The following CDH12 variants were observed in gnomAD, a reference collection of about 807,000 sequenced individuals.
CDH12 encodes cadherin 12.
A neutral mutation model predicts 74.1 loss-of-function variants in CDH12; 41 were observed. That is an observed-to-expected ratio of 0.55 (90% CI 0.43 to 0.72). The LOEUF is 0.72. CDH12 is among the 30% of genes least tolerant of loss of function. The pLI is 0.00. For synonymous variants in CDH12, 399 were observed against 355.0 expected, an observed-to-expected ratio of 1.12 and a Z score of -1.39; for missense variants, 945 against 977.2, an observed-to-expected ratio of 0.97 and a Z score of 0.44.
intron 4 of CDH12, among the ~76,000 whole-genome samples, chr5:22,148,873 C>T (rs1015557294): frequency 3.3e-5 from 5 of 152,204 alleles, no homozygotes; most frequent in Non-Finnish European, 7.3e-5. Context: ...GTAATCCCAG[C>T]ACTTTGGGAG....
chr5:22,097,112 G>T (rs1015340097), intron 4 of CDH12, among the ~76,000 whole-genome samples: 1 of 152,184 alleles, frequency 6.6e-6, no homozygotes, highest in African/African-American at 2.4e-5. Context: ...TCAGGAGCTT[G>T]CTACAAGTGC....
At chr5:22,277,563 T>C (rs538642336) in intron 3 of CDH12, among the ~76,000 whole-genome samples, 31 of 152,072 alleles carry the variant, frequency 2.0e-4, no homozygotes, top group South Asian at 8.3e-4. Context: ...CCAGGCATGG[T>C]GGCTCACACC....
At chr5:22,424,916 T>G (rs1743829537) in intron 2 of CDH12, among the ~76,000 whole-genome samples, 1 of 151,784 alleles carries the variant, frequency 6.6e-6, no homozygotes, top group Non-Finnish European at 1.5e-5. Context: ...AAAAATGAAC[T>G]GTTTAAAACT....
At chr5:22,153,889 A>C (rs10473575) in intron 4 of CDH12, among the ~76,000 whole-genome samples, 5 of 42,056 alleles carry the variant, frequency 1.2e-4, no homozygotes, top group African/African-American at 1.9e-4. Flanking sequence ...TATATATATA[A>C]ATATATATAT....
intron 13 of CDH12, among the ~76,000 whole-genome samples, chr5:21,759,185 T>A (rs1744572820): frequency 6.6e-6 from 1 of 152,096 alleles, no homozygotes; most frequent in Admixed American, 6.6e-5. Context: ...AAATAATAGA[T>A]ATAGTCCACA....
At chr5:22,692,002 C>G (rs1742108602) in intron 1 of CDH12, among the ~76,000 whole-genome samples, 1 of 152,194 alleles carries the variant, frequency 6.6e-6, no homozygotes, top group East Asian at 1.9e-4. Context: ...TTTGTCCCCT[C>G]CACATCTCAT....
rs1749377551 is a variant in CDH12 at position 22,177,090 on chromosome 5, T to G, written c.-187+35408A>C. ...AATACGTATTTGTTTCTTGCTTCAC[T>G]GAATGTAAATGGTATTATAAATGGC... On this transcript the variant is annotated intron_variant, in intron 4 of 14. Transcript: ENST00000382254. 2.0e-5 allele frequency among the ~76,000 whole-genome samples: 3 copies of G among 152,154 alleles called. No homozygotes were observed. In the South Asian group the frequency reaches 6.2e-4, roughly 31 times the overall value.
intron 2 of CDH12, among the ~76,000 whole-genome samples, chr5:22,407,530 A>AT (rs71609763): frequency 0.39 from 58,904 of 151,310 alleles, 11,973 homozygotes; most frequent in Admixed American, 0.48. Context: ...GTAAAAGATG[A>AT]TTTTTTTTTG....
intron 6 of CDH12, among the ~76,000 whole-genome samples, chr5:21,906,160 C>T (rs1020655061): frequency 2.6e-4 from 39 of 152,004 alleles, no homozygotes; most frequent in African/African-American, 8.4e-4. Flanking sequence ...TTAGGTTTGA[C>T]GGTGGTCAAG....
At chr5:22,365,310 C>T (rs1034567040) in intron 3 of CDH12, among the ~76,000 whole-genome samples, 3 of 152,108 alleles carry the variant, frequency 2.0e-5, no homozygotes, top group African/African-American at 7.2e-5. Context: ...TTAATAAATG[C>T]TACTGTTCTA....
chr5:22,704,363 T>C (rs1402859248), intron 1 of CDH12, among the ~76,000 whole-genome samples: 1 of 152,130 alleles, frequency 6.6e-6, no homozygotes, highest in East Asian at 1.9e-4. Flanking sequence ...TAAAACCCAT[T>C]TGCATAATCC....
rs78274667 is a variant in CDH12, at chr5:22,570,701, G to A, written c.-522-65337C>T. ...TGAAATGATATTTGAAATGATAAATGAGCATTGGCTTCAACTTAAAGTCAG... is the reference window on the plus strand; with the variant it reads ...TGAAATGATATTTGAAATGATAAATAAGCATTGGCTTCAACTTAAAGTCAG... On this transcript the variant is annotated intron_variant, in intron 1 of 14. Transcript: ENST00000382254. 2.3e-3 allele frequency among the ~76,000 whole-genome samples: 353 copies of A among 152,156 alleles called. 1 individual carries two copies. The highest frequency in any genetic ancestry group is 5.9e-3 in the Admixed American group (90 of 15,280).
At position 22,061,431 on chromosome 5, in the gene CDH12, G is replaced by A. The variant is rs148656176; in HGVS notation, c.231+17015C>T. Reference sequence around the variant, plus strand: ...TAAATTTTACCAAAAGAATTCATTCGTATTCAAATATAGGTTTGAATGGTA... The same window carrying A: ...TAAATTTTACCAAAAGAATTCATTCATATTCAAATATAGGTTTGAATGGTA... On this transcript the variant is annotated intron_variant, in intron 5 of 14. Coordinates refer to ENST00000382254, the MANE Select transcript of CDH12 (RefSeq NM_004061.5). Among the ~76,000 whole-genome samples, 378 of 152,132 alleles carry A rather than the reference G, an allele frequency of 2.5e-3. 1 individual carries two copies. The highest frequency in any genetic ancestry group is 4.8e-3 in the Admixed American group (73 of 15,258).
At chr5:22,342,078 G>A (rs1739875481) in intron 3 of CDH12, among the ~76,000 whole-genome samples, 1 of 152,080 alleles carries the variant, frequency 6.6e-6, no homozygotes, top group Non-Finnish European at 1.5e-5. Context: ...CCTTCCCTTG[G>A]TGCATTCATT....
At chr5:22,131,172 A>C (rs1185329803) in intron 4 of CDH12, among the ~76,000 whole-genome samples, 1 of 152,146 alleles carries the variant, frequency 6.6e-6, no homozygotes, top group Non-Finnish European at 1.5e-5. Context: ...CTCTATGTAT[A>C]GATATGTCTA....
At chr5:22,811,694 T>A (rs1033830422) in intron 1 of CDH12, among the ~76,000 whole-genome samples, 3 of 152,162 alleles carry the variant, frequency 2.0e-5, no homozygotes, top group East Asian at 1.9e-4. Flanking sequence ...GGTAACGAAT[T>A]ACATCAGGTA....
chr5:21,937,227 G>A (rs1163584882), intron 6 of CDH12, among the ~76,000 whole-genome samples: 1 of 152,254 alleles, frequency 6.6e-6, no homozygotes, highest in South Asian at 2.1e-4. Flanking sequence ...CCTGAGGGTA[G>A]GTGACTGAGG....
chr5:21,931,558 A>G (rs2150081440), intron 6 of CDH12, among the ~76,000 whole-genome samples: 1 of 152,302 alleles, frequency 6.6e-6, no homozygotes, highest in Non-Finnish European at 1.5e-5. Context: ...TCAATGCATA[A>G]TAAATCTGCC....
At chr5:22,541,854 A>G (rs1738115401) in intron 1 of CDH12, among the ~76,000 whole-genome samples, 1 of 152,194 alleles carries the variant, frequency 6.6e-6, no homozygotes, top group Non-Finnish European at 1.5e-5. Flanking sequence ...ATGAAGGACT[A>G]GAACTAGAAT....
Sources: allele counts gnomAD v4.1 joint callset (sites outside exome capture counted in the v4.1 genomes callset), GRCh38; gene constraint gnomAD v4.1.1; transcripts MANE v1.5; gene names NCBI Gene and HGNC (gene_info 2026-07-23, HGNC 2026-07-21).